RAD51B: variants seen among roughly 807,000 people sequenced by gnomAD.
The protein encoded by RAD51B is RAD51 paralog B.
Under a neutral mutation model 42.2 loss-of-function variants are expected in RAD51B, and 38 were observed. The ratio of observed to expected loss-of-function variants is 0.90; its 90% CI spans 0.70 to 1.18. RAD51B has a LOEUF of 1.18. Among genes scored for constraint, RAD51B ranks in the 50% most tolerant of loss-of-function variants. RAD51B has a pLI of 0.00. For missense variants in RAD51B, 373 were observed against 400.7 expected, an observed-to-expected ratio of 0.93 and a Z score of 0.59; for synonymous variants, 154 against 145.2, an observed-to-expected ratio of 1.06 and a Z score of -0.43.
At chr14:68,382,333 A>T in intron 8 of RAD51B, among the ~76,000 whole-genome samples, 1 of 152,144 alleles carries the variant, frequency 6.6e-6, no homozygotes. Context: ...TGGGAAAGGG[A>T]GAGAGAGGAA....
chr14:68,471,025 G>T (rs149572124), intron 10 of RAD51B, among the ~76,000 whole-genome samples: 58 of 152,266 alleles, frequency 3.8e-4, no homozygotes, highest in African/African-American at 1.3e-3. Context: ...TTGGTCCCTG[G>T]GTGGAAAACT....
At chr14:67,980,132 C>CA (rs35778215) in intron 7 of RAD51B, among the ~76,000 whole-genome samples, 2,653 of 147,172 alleles carry the variant, frequency 0.018, 72 homozygotes, top group African/African-American at 0.061. Flanking sequence ...CATCTTATGC[C>CA]AAAAAAAAAA....
chr14:68,489,568 CT>C (rs1238826983), intron 10 of RAD51B, among the ~76,000 whole-genome samples: 2 of 152,156 alleles, frequency 1.3e-5, no homozygotes, highest in African/African-American at 2.4e-5. Flanking sequence ...TTTTTACCCC[CT>C]AAAGGCTTGT....
Position 68,269,497 on chromosome 14 carries a change from C to T in RAD51B, c.757-22387C>T, listed in dbSNP as rs75787188. 9.5e-3 allele frequency among the ~76,000 whole-genome samples: 1,448 copies of T among 152,322 alleles called. 26 individuals carry two copies. Among genetic ancestry groups the T allele is most frequent in the East Asian group, 0.057 (295 of 5,186 alleles). ...GACCCTGCCCTGAACCCTGTGCTAC[C>T]GCAGGATCGTCACTCAGATCTCAGC... On this transcript the variant is annotated intron_variant, in intron 7 of 10. Coordinates refer to ENST00000471583, the MANE Select transcript of RAD51B (RefSeq NM_133510.4).
intron 7 of RAD51B, among the ~76,000 whole-genome samples, chr14:68,289,274 A>T (rs1412449870): frequency 6.6e-6 from 1 of 152,240 alleles, no homozygotes; most frequent in Non-Finnish European, 1.5e-5. Context: ...TAAGTATCTT[A>T]CATTGATTGT....
intron 11 of RAD51B, among the ~76,000 whole-genome samples, chr14:68,655,128 T>C (rs1892784262): frequency 9.0e-6 from 1 of 111,042 alleles, no homozygotes; most frequent in South Asian, 3.1e-4. Context: ...AGGCAAATGG[T>C]GAGTGTGTGT....
intron 9 of RAD51B, among the ~76,000 whole-genome samples, chr14:68,432,732 G>C: frequency 6.6e-6 from 1 of 152,106 alleles, no homozygotes. Context: ...CTTTTAATTG[G>C]AGCATTTAGC....
At chr14:68,621,196 A>G (rs968937837) in intron 10 of RAD51B, among the ~76,000 whole-genome samples, 1 of 152,142 alleles carries the variant, frequency 6.6e-6, no homozygotes, top group Admixed American at 6.5e-5. Context: ...GCATCCATCC[A>G]TCCATTCATG....
intron 8 of RAD51B, among the ~76,000 whole-genome samples, chr14:68,320,077 G>A (rs1442369067): frequency 1.3e-5 from 2 of 152,190 alleles, no homozygotes; most frequent in Non-Finnish European, 2.9e-5. Flanking sequence ...TACTGCATGT[G>A]ATGCCCTTAG....
intron 7 of RAD51B, among the ~76,000 whole-genome samples, chr14:68,001,092 G>GT (rs1355086869): frequency 1.3e-5 from 2 of 152,098 alleles, no homozygotes; most frequent in East Asian, 3.9e-4. Context: ...GTTTTTAATA[G>GT]TTTTTAAAAA....
intron 7 of RAD51B, among the ~76,000 whole-genome samples, chr14:68,074,014 A>G (rs1318946858): frequency 3.3e-5 from 5 of 152,270 alleles, no homozygotes; most frequent in Non-Finnish European, 4.4e-5. Flanking sequence ...GGGGATGGTC[A>G]TGTTGTATAG....
intron 7 of RAD51B, among the ~76,000 whole-genome samples, chr14:68,159,174 A>G (rs1022449050): frequency 6.6e-6 from 1 of 152,136 alleles, no homozygotes; most frequent in Admixed American, 6.5e-5. Flanking sequence ...CCATGAGTTG[A>G]CAATTATTAA....
chr14:67,923,655 A>G (rs1422649917), intron 7 of RAD51B, among the ~76,000 whole-genome samples: 1 of 152,052 alleles, frequency 6.6e-6, no homozygotes, highest in Non-Finnish European at 1.5e-5. Flanking sequence ...CTGGTTTCAT[A>G]TTTTTGCAAT....
intron 10 of RAD51B, among the ~76,000 whole-genome samples, chr14:68,526,620 AT>A (rs2140340491): frequency 6.6e-6 from 1 of 152,332 alleles, no homozygotes; most frequent in South Asian, 2.1e-4. Flanking sequence ...GTTTAGAGTT[AT>A]GCAAGTATAG....
chr14:67,828,930 T>C (rs887322027), intron 3 of RAD51B, among the ~76,000 whole-genome samples: 4 of 152,228 alleles, frequency 2.6e-5, no homozygotes, highest in African/African-American at 9.6e-5. Context: ...TGCCTGCAGC[T>C]TCATTCTTTT....
chr14:68,533,937 G>C (rs192712486), intron 10 of RAD51B, among the ~76,000 whole-genome samples: 2 of 152,320 alleles, frequency 1.3e-5, no homozygotes, highest in African/African-American at 4.8e-5. Flanking sequence ...AGGGGCAAAG[G>C]CGTGTAAGGC....
At chr14:68,457,842 T>G (rs1440220981) in intron 9 of RAD51B, among the ~76,000 whole-genome samples, 1 of 148,584 alleles carries the variant, frequency 6.7e-6, no homozygotes, top group Non-Finnish European at 1.5e-5. Flanking sequence ...CTCAATCTCC[T>G]GACCTCGTGA....
At position 67,865,124 on chromosome 14, in the gene RAD51B, C is replaced by T; in HGVS notation, c.437C>T (p.Ala146Val). The change falls in exon 5 of 11, where the codon GCA becomes GTA. Residue 146 changes from alanine to valine, a missense_variant. Physicochemically the swap from Ala to Val is moderately conservative, Grantham distance 64. Coordinates refer to ENST00000471583, the MANE Select transcript of RAD51B (RefSeq NM_133510.4). ...GAVVYIDTES[A>V]FSAERLVEIA... ...GTGGTGTACATTGACACAGAGTCTG[C>T]ATTTAGTGCTGAAAGGTATGAGATT... 6.3e-7 allele frequency: 1 copy of T among 1,597,894 alleles called. No individual in the cohort carries two copies. The highest frequency in any genetic ancestry group is 8.5e-7 in the Non-Finnish European group (1 of 1,173,438).
intron 10 of RAD51B, among the ~76,000 whole-genome samples, chr14:68,506,692 T>C (rs1018272176): frequency 1.3e-5 from 2 of 152,124 alleles, no homozygotes; most frequent in Non-Finnish European, 2.9e-5. Flanking sequence ...CATTTATACA[T>C]TGAAAGGCGG....
Sources: gnomAD v4.1 joint callset for allele counts (sites outside exome capture counted in the v4.1 genomes callset) on GRCh38, gnomAD v4.1.1 for gene constraint, MANE v1.5 for transcripts, NCBI Gene and HGNC (gene_info 2026-07-23, HGNC 2026-07-21) for gene names.